The following AGBL1 variants were observed in gnomAD, a reference collection of about 807,000 sequenced individuals.
AGBL1 encodes cytosolic carboxypeptidase 4.
AGBL1 carries 130 observed loss-of-function variants against 118.9 expected under a neutral mutation model. The ratio of observed to expected loss-of-function variants is 1.09; its 90% CI spans 0.95 to 1.26. The LOEUF (loss-of-function observed/expected upper bound fraction) is 1.26, where lower values mean the gene tolerates loss of function less well. AGBL1 is among the 50% of genes most tolerant of loss of function. The pLI is 0.00. For missense variants in AGBL1, 1,584 were observed against 1,298.1 expected (o/e 1.22, Z -3.38); for synonymous variants, 555 against 478.9 (o/e 1.16, Z -2.08).
At chr15:86,205,071 T>G (rs2077969715) in intron 5 of AGBL1, among the ~76,000 whole-genome samples, 1 of 152,214 alleles carries the variant, frequency 6.6e-6, no homozygotes, top group Non-Finnish European at 1.5e-5. Flanking sequence ...CTTCAACAAT[T>G]CACTGTCAAA....
chr15:86,783,150 C>G (rs1473478369), intron 22 of AGBL1, among the ~76,000 whole-genome samples: 2 of 152,184 alleles, frequency 1.3e-5, no homozygotes, highest in African/African-American at 2.4e-5. Context: ...AATGAAATTG[C>G]TATTTTAATT....
chr15:87,019,498 T>C (rs2081640746), intron 24 of AGBL1, among the ~76,000 whole-genome samples: 1 of 151,996 alleles, frequency 6.6e-6, no homozygotes, highest in Admixed American at 6.6e-5. Flanking sequence ...ACATGGAAAT[T>C]GAACAACCTG....
At chr15:86,376,557 G>T (rs1010492299) in intron 17 of AGBL1, among the ~76,000 whole-genome samples, 26 of 152,240 alleles carry the variant, frequency 1.7e-4, no homozygotes, top group African/African-American at 6.3e-4. Context: ...GTGATAACAG[G>T]TGTAAAGTAT....
At position 86,443,884 on chromosome 15, in the gene AGBL1, T is replaced by A. The variant is rs1299045668; in HGVS notation, c.2555+46338T>A. On this transcript the variant is annotated intron_variant, in intron 18 of 22. Transcript: ENST00000614907. ...CACTTGGGTTGACTCCTCTATATCT[T>A]AGCTATTGTGACTAGTGCTGCAATA... is the stretch of plus-strand genomic sequence containing the variant. 2.6e-5 allele frequency among the ~76,000 whole-genome samples: 4 copies of A among 152,136 alleles called. No individual in the cohort carries two copies. The East Asian group carries it at 7.7e-4, about 29-fold the overall frequency.
intron 15 of AGBL1, among the ~76,000 whole-genome samples, 160 bp downstream of exon 15, chr15:86,271,866 T>A (rs1429198764): frequency 1.3e-5 from 2 of 152,246 alleles, no homozygotes; most frequent in African/African-American, 4.8e-5. Flanking sequence ...TTCAGAGATA[T>A]AAGCATATTC....
intron 23 of AGBL1, among the ~76,000 whole-genome samples, chr15:86,977,587 A>G (rs1249798528): frequency 6.6e-6 from 1 of 151,808 alleles, no homozygotes; most frequent in Non-Finnish European, 1.5e-5. Flanking sequence ...TAAGCATTAC[A>G]TTTCTGTTAT....
At chr15:86,544,252 T>C (rs950050186) in intron 19 of AGBL1, among the ~76,000 whole-genome samples, 1 of 152,184 alleles carries the variant, frequency 6.6e-6, no homozygotes, top group Non-Finnish European at 1.5e-5. Flanking sequence ...TGATATCAGC[T>C]AGGTCAATCG....
chr15:86,819,631 G>A (rs1467117321), intron 22 of AGBL1, among the ~76,000 whole-genome samples: 1 of 151,968 alleles, frequency 6.6e-6, no homozygotes, highest in Non-Finnish European at 1.5e-5. Context: ...CACTGCTCAA[G>A]GAAATAAGAG....
chr15:86,330,856 T>C (rs2080257594), intron 17 of AGBL1, among the ~76,000 whole-genome samples: 1 of 151,916 alleles, frequency 6.6e-6, no homozygotes, highest in African/African-American at 2.4e-5. Flanking sequence ...ACTGGACGAA[T>C]TGGAAGAATT....
chr15:86,795,863 G>A (rs888643190), intron 22 of AGBL1, among the ~76,000 whole-genome samples: 14 of 151,534 alleles, frequency 9.2e-5, no homozygotes, highest in African/African-American at 3.4e-4. Context: ...TGGGATTACA[G>A]GCGTGAGCCA....
At chr15:86,624,766 C>G (rs1361902869) in intron 21 of AGBL1, among the ~76,000 whole-genome samples, 1 of 152,132 alleles carries the variant, frequency 6.6e-6, no homozygotes, top group Admixed American at 6.6e-5. Context: ...GTCACAACTG[C>G]CCCAGGGACT....
chr15:86,982,985 G>T (rs1324079379), intron 23 of AGBL1, among the ~76,000 whole-genome samples: 1 of 152,016 alleles, frequency 6.6e-6, no homozygotes, highest in African/African-American at 2.4e-5. Context: ...TTAGTTGACT[G>T]GAATTTGCTT....
intron 22 of AGBL1, among the ~76,000 whole-genome samples, chr15:86,829,375 T>C (rs2079074188): frequency 6.6e-6 from 1 of 152,118 alleles, no homozygotes; most frequent in African/African-American, 2.4e-5. Context: ...CAGAATGCAA[T>C]GCAGGCTGCC....
At chr15:86,108,652 T>G (rs2141529471) in intron 1 of AGBL1, among the ~76,000 whole-genome samples, 1 of 152,250 alleles carries the variant, frequency 6.6e-6, no homozygotes, top group East Asian at 1.9e-4. Context: ...CTCCAAGATC[T>G]ATAGCTAACA....
intron 9 of AGBL1, among the ~76,000 whole-genome samples, chr15:86,258,304 T>C (rs527846309): frequency 7.9e-5 from 12 of 152,300 alleles, no homozygotes; most frequent in African/African-American, 2.9e-4. Flanking sequence ...TCAGATGACC[T>C]TTAGGCACAC....
At chr15:86,947,727 A>T (rs1048768939) in intron 23 of AGBL1, among the ~76,000 whole-genome samples, 1 of 152,218 alleles carries the variant, frequency 6.6e-6, no homozygotes, top group Non-Finnish European at 1.5e-5. Context: ...CAGCTGAATG[A>T]CTGAGGGCAA....
intron 17 of AGBL1, among the ~76,000 whole-genome samples, chr15:86,300,211 A>AT (rs1487050520): frequency 2.6e-5 from 4 of 152,074 alleles, no homozygotes; most frequent in Non-Finnish European, 4.4e-5. Flanking sequence ...GGCTACTATC[A>AT]TTTTTTTAAC....
chr15:86,462,382 G>A (rs971472938), intron 18 of AGBL1, among the ~76,000 whole-genome samples: 1 of 151,964 alleles, frequency 6.6e-6, no homozygotes, highest in Non-Finnish European at 1.5e-5. Flanking sequence ...GACTCCTGCT[G>A]GGAGACTTCA....
chr15:86,102,026 T>TTC (rs529158449), intron 1 of AGBL1, among the ~76,000 whole-genome samples: 27 of 151,720 alleles, frequency 1.8e-4, no homozygotes, highest in African/African-American at 6.0e-4. Context: ...TTTGAATCCT[T>TTC]TCTCTCTCTC....
Sources: allele counts gnomAD v4.1 joint callset (sites outside exome capture counted in the v4.1 genomes callset), GRCh38; gene constraint gnomAD v4.1.1; transcripts MANE v1.5; gene names NCBI Gene and HGNC (gene_info 2026-07-23, HGNC 2026-07-21).